RMST: variants seen among roughly 807,000 people sequenced by gnomAD.
The protein encoded by RMST is rhabdomyosarcoma 2 associated transcript.
chr12:97,545,187 T>C (rs1882843201), intron 11 of RMST, among the ~76,000 whole-genome samples: 1 of 152,082 alleles, frequency 6.6e-6, no homozygotes. Context: ...TGAAGGCAAC[T>C]GGTACTCAAC....
intron 5 of RMST, among the ~76,000 whole-genome samples, chr12:97,478,588 A>G (rs1195414605): frequency 6.6e-6 from 1 of 152,128 alleles, no homozygotes. Context: ...GTAGACAAAC[A>G]CCAGTGAGTA....
At chr12:97,498,017 C>A (rs570506983) in intron 10 of RMST, among the ~76,000 whole-genome samples, 1 of 152,132 alleles carries the variant, frequency 6.6e-6, no homozygotes, top group Non-Finnish European at 1.5e-5. Context: ...ATTTACTGAG[C>A]AGACTAGTCC....
chr12:97,515,553 T>G (rs113657973), intron 10 of RMST, among the ~76,000 whole-genome samples: 2,093 of 152,132 alleles, frequency 0.014, 33 homozygotes, highest in African/African-American at 0.047. Context: ...ACCTTAGCAT[T>G]GTACCAAACA....
At chr12:97,526,909 T>C (rs760521263) in intron 10 of RMST, among the ~76,000 whole-genome samples, 1 of 152,152 alleles carries the variant, frequency 6.6e-6, no homozygotes, top group Non-Finnish European at 1.5e-5. Flanking sequence ...TTAGTCACAG[T>C]CTTCATAATA....
chr12:97,498,695 A>C (rs1425923713), intron 10 of RMST, among the ~76,000 whole-genome samples: 1 of 152,188 alleles, frequency 6.6e-6, no homozygotes, highest in African/African-American at 2.4e-5. Context: ...AATCGTGAAA[A>C]GCCAGTACCT....
At chr12:97,466,475 A>G (rs1327913899) in intron 5 of RMST, among the ~76,000 whole-genome samples, 2 of 152,158 alleles carry the variant, frequency 1.3e-5, no homozygotes, top group Non-Finnish European at 2.9e-5. Flanking sequence ...TGTATCTATT[A>G]TGTATATGAA....
intron 4 of RMST, among the ~76,000 whole-genome samples, chr12:97,464,189 G>A (rs1401073815): frequency 1.3e-5 from 2 of 152,136 alleles, no homozygotes; most frequent in Non-Finnish European, 2.9e-5. Flanking sequence ...CGATTTAGGA[G>A]GTTAAGTGAT....
intron 10 of RMST, among the ~76,000 whole-genome samples, chr12:97,525,707 T>TAAAACAA: frequency 6.6e-6 from 1 of 152,164 alleles, no homozygotes; most frequent in South Asian, 2.1e-4. Flanking sequence ...TGCAAAAGCC[T>TAAAACAA]TGTTAAACAA....
At chr12:97,552,782 T>C (rs1423936195) in intron 11 of RMST, among the ~76,000 whole-genome samples, 3 of 152,228 alleles carry the variant, frequency 2.0e-5, no homozygotes, top group Non-Finnish European at 2.9e-5. Flanking sequence ...ACCCAGCTAC[T>C]TGTATTTCTC....
chr12:97,479,116 G>A (rs959855094), intron 5 of RMST, among the ~76,000 whole-genome samples: 7 of 142,248 alleles, frequency 4.9e-5, no homozygotes, highest in African/African-American at 1.9e-4. Context: ...TGTACTTTGG[G>A]TGTTTCCTTG....
chr12:97,494,342 G>T (rs1227769675), intron 8 of RMST, among the ~76,000 whole-genome samples: 1 of 152,088 alleles, frequency 6.6e-6, no homozygotes, highest in Non-Finnish European at 1.5e-5. Context: ...CTTTGTCTGG[G>T]GATAGATATA....
intron 10 of RMST, among the ~76,000 whole-genome samples, chr12:97,528,066 A>C (rs1565932265): frequency 6.6e-6 from 1 of 152,118 alleles, no homozygotes; most frequent in African/African-American, 2.4e-5. Flanking sequence ...TAAGTATTAC[A>C]ATTATTATTG....
At chr12:97,548,136 T>G (rs1004241479) in intron 11 of RMST, among the ~76,000 whole-genome samples, 1 of 152,146 alleles carries the variant, frequency 6.6e-6, no homozygotes, top group Admixed American at 6.6e-5. Context: ...TCCTTGACAT[T>G]TCTTAAAGAG....
At position 97,563,649 on chromosome 12, in the gene RMST, T is replaced by C. The variant is rs115984720; in HGVS notation, n.1959-501T>C. On this transcript the variant is annotated intron_variant and non_coding_transcript_variant, in intron 13 of 13. Transcript: ENST00000640149. ...TTCCCGGTCCTTGTAGCTAAGAATG[T>C]CGTGGAAGGATAAAATCTTGTTAAT... 2,835 of 390,590 alleles carry C rather than the reference T, an allele frequency of 7.3e-3. 93 individuals carry two copies. The highest frequency in any genetic ancestry group is 0.055 in the African/African-American group (2,596 of 47,270). 24.2% of individuals were successfully genotyped at this position (390,590 alleles called of 1,614,324 possible). A position where few individuals can be genotyped will look rare whatever the true frequency, so the allele number is the denominator to read the frequency against.
intron 10 of RMST, among the ~76,000 whole-genome samples, chr12:97,504,402 T>TAAAAAAAAAAAAAA (rs754529152): frequency 8.0e-6 from 1 of 125,232 alleles, no homozygotes; most frequent in Non-Finnish European, 1.6e-5. Flanking sequence ...AGACTTCATT[T>TAAAAAAAAAAAAAA]CAAAAAAAAA....
intron 5 of RMST, among the ~76,000 whole-genome samples, chr12:97,470,732 A>G (rs903651428): frequency 6.6e-6 from 1 of 151,984 alleles, no homozygotes; most frequent in Non-Finnish European, 1.5e-5. Flanking sequence ...TCAGGCCTAC[A>G]ATGCTGTTAA....
intron 10 of RMST, among the ~76,000 whole-genome samples, chr12:97,502,596 GACA>G (rs1170486448): frequency 6.6e-6 from 1 of 152,120 alleles, no homozygotes; most frequent in Non-Finnish European, 1.5e-5. Flanking sequence ...GAGTAGCTCA[GACA>G]ACAAGCTCAT....
At chr12:97,465,019 C>T (rs1873010843) in intron 4 of RMST, 1 of 152,144 alleles carries the variant, frequency 6.6e-6, no homozygotes, top group African/African-American at 2.4e-5. Context: ...TGTACATTAG[C>T]ATTTCATTTG....
At chr12:97,523,810 G>C (rs150698421) in intron 10 of RMST, among the ~76,000 whole-genome samples, 18 of 152,050 alleles carry the variant, frequency 1.2e-4, no homozygotes, top group African/African-American at 4.3e-4. Flanking sequence ...GGGCGCAGTG[G>C]CTCATGCCTG....
Sources: gnomAD v4.1 joint callset for allele counts (sites outside exome capture counted in the v4.1 genomes callset) on GRCh38, gnomAD v4.1.1 for gene constraint, MANE v1.5 for transcripts, NCBI Gene and HGNC (gene_info 2026-07-23, HGNC 2026-07-21) for gene names.